The following AREG variants were observed in gnomAD, a reference collection of about 807,000 sequenced individuals.
The protein encoded by AREG is amphiregulin B.
In AREG, 16 loss-of-function variants were observed where a neutral mutation model predicts 28.0. That is an observed-to-expected ratio of 0.57 (90% confidence interval 0.39 to 0.87). The LOEUF is 0.87. Among genes scored for constraint, AREG ranks in the 40% least tolerant of loss-of-function variants. The pLI, the probability that AREG is intolerant of heterozygous loss-of-function variation, is 0.00. For missense variants in AREG, 287 were observed against 309.1 expected (o/e 0.93, Z 0.53); for synonymous variants, 113 against 113.5 (o/e 1.00, Z 0.02).
chr4:74,448,809 A>AG, intron 2 of AREG: 1 of 497,202 alleles, frequency 2.0e-6, no homozygotes, highest in Non-Finnish European at 3.5e-6. Flanking sequence ...TCCACCTGCA[A>AG]GTAGTACTCA....
At position 74,445,138 on chromosome 4, in the gene AREG, A is replaced by T. The variant is rs992665049; in HGVS notation, c.-208A>T. On this transcript the variant is annotated 5_prime_UTR_variant, in exon 1 of 6. Transcript: ENST00000395748. Reference sequence around the variant, plus strand: ...GCGGCAGGTGCGCGCCGCCCTACAGACGTTCGCACACCTGGGTGCCAGCGC... The same window carrying T: ...GCGGCAGGTGCGCGCCGCCCTACAGTCGTTCGCACACCTGGGTGCCAGCGC... The T allele has an allele frequency of 5.2e-3, 5,824 of 1,111,838 alleles. 21 individuals are homozygous for T. Among genetic ancestry groups the T allele is most frequent in the Non-Finnish European group, 6.6e-3 (5,309 of 805,500 alleles). The allele number at this position is 1,111,838 out of a possible 1,614,324, so 68.9% of individuals were successfully genotyped here.
At chr4:74,447,369 T>C (rs1053717716) in intron 2 of AREG, among the ~76,000 whole-genome samples, 275 of 152,256 alleles carry the variant, frequency 1.8e-3, no homozygotes, top group African/African-American at 5.9e-3. Context: ...GAGAAGCTGA[T>C]GGAATAATAA....
chr4:74,447,429 T>C (rs1344550562), intron 2 of AREG, among the ~76,000 whole-genome samples: 2 of 152,198 alleles, frequency 1.3e-5, no homozygotes, highest in Non-Finnish European at 2.9e-5. Flanking sequence ...ACTTAGATTT[T>C]GTATTGCTAA....
chr4:74,452,500 A>G (rs1719395660), intron 4 of AREG, 44 bp from the exon 5 acceptor site: 2 of 1,611,260 alleles, frequency 1.2e-6, no homozygotes, highest in South Asian at 1.1e-5. Flanking sequence ...AAACATATAG[A>G]TGAATAGAAC....
chr4:74,447,111 A>T (rs981641751), intron 2 of AREG, among the ~76,000 whole-genome samples: 3 of 152,214 alleles, frequency 2.0e-5, no homozygotes, highest in African/African-American at 7.2e-5. Flanking sequence ...GATGAGCTAG[A>T]ATTAGAGCTC....
At chr4:74,449,685 G>A (rs1578844640) in intron 3 of AREG, among the ~76,000 whole-genome samples, 2 of 152,166 alleles carry the variant, frequency 1.3e-5, no homozygotes, top group African/African-American at 4.8e-5. Context: ...AGCTCAGGAG[G>A]TTGAGACTGC....
intron 3 of AREG, among the ~76,000 whole-genome samples, chr4:74,449,966 A>G (rs1438340044): frequency 2.7e-5 from 4 of 149,494 alleles, no homozygotes; most frequent in Non-Finnish European, 5.9e-5. Flanking sequence ...GTGTGTGTGT[A>G]TGCATTTTTT....
intron 1 of AREG, among the ~76,000 whole-genome samples, chr4:74,446,050 A>T (rs571561524): frequency 1.1e-5 from 1 of 88,104 alleles, no homozygotes; most frequent in Non-Finnish European, 2.2e-5. Flanking sequence ...ATCTTTTAAA[A>T]ATATGAACAC....
intron 2 of AREG, among the ~76,000 whole-genome samples, chr4:74,447,923 A>C (rs1719319026): frequency 6.6e-6 from 1 of 152,254 alleles, no homozygotes; most frequent in South Asian, 2.1e-4. Flanking sequence ...AGGTGTCTAG[A>C]AACTGTTCTC....
intron 5 of AREG, among the ~76,000 whole-genome samples, chr4:74,453,437 A>G (rs889805609): frequency 1.3e-5 from 2 of 152,192 alleles, no homozygotes; most frequent in Non-Finnish European, 2.9e-5. Flanking sequence ...GTGAAGAGGA[A>G]TATTTCGTTG....
In AREG at chr4:74,454,824, A is replaced by T. The variant is rs964059244; in HGVS notation, c.*84A>T. 1.4e-6 allele frequency: 1 copy of T among 700,252 alleles called. No individual in the cohort carries two copies. The highest frequency in any genetic ancestry group is 1.7e-5 in the African/African-American group (1 of 57,222). The allele number at this position is 700,252 out of a possible 1,614,324, so 43.4% of individuals were successfully genotyped here. A position where few individuals can be genotyped will look rare whatever the true frequency, so the allele number is the denominator to read the frequency against. Reference sequence around the variant, plus strand: ...GATGAGTCGGTCCTCTTTCCAGTGGATCATAAGACAATGGACCCTTTTTGT... The same window carrying T: ...GATGAGTCGGTCCTCTTTCCAGTGGTTCATAAGACAATGGACCCTTTTTGT... On this transcript the variant is annotated 3_prime_UTR_variant, in exon 6 of 6. Coordinates refer to ENST00000395748, the MANE Select transcript of AREG (RefSeq NM_001657.4).
chr4:74,451,458 T>C (rs1719381032), intron 4 of AREG, among the ~76,000 whole-genome samples: 1 of 152,228 alleles, frequency 6.6e-6, no homozygotes, highest in African/African-American at 2.4e-5. Context: ...CTACCACGAC[T>C]ACCATTCAGG....
Position 74,446,568 on chromosome 4 carries a change from C to T in AREG, c.96C>T (p.Thr32=), listed in dbSNP as rs758961810. The T allele has an allele frequency of 6.8e-6, 11 of 1,613,828 alleles. No homozygotes were observed. The African/African-American group carries it at 1.5e-4, about 22-fold the overall frequency. Residue 32 remains threonine, a synonymous_variant, in exon 2 of 6, where the codon ACC becomes ACT. Coordinates refer to ENST00000395748, the MANE Select transcript of AREG (RefSeq NM_001657.4). ...HYAAGLDLND[T]YSGKREPFSG... ...CTGCTGGATTGGACCTCAATGACACCTACTCTGGGAAGCGTGAACCATTTT... is the reference window on the plus strand; with the variant it reads ...CTGCTGGATTGGACCTCAATGACACTTACTCTGGGAAGCGTGAACCATTTT...
intron 4 of AREG, among the ~76,000 whole-genome samples, chr4:74,451,414 ATAACTT>A (rs1719379825): frequency 6.6e-6 from 1 of 152,242 alleles, no homozygotes; most frequent in Non-Finnish European, 1.5e-5. Context: ...GTCTTGGTAA[ATAACTT>A]TAACAGCTAT....
intron 1 of AREG, 63 bp downstream of exon 1, chr4:74,445,469 T>C (rs1719266509): frequency 2.6e-6 from 4 of 1,566,120 alleles, no homozygotes; most frequent in Non-Finnish European, 3.5e-6. Context: ...GCCTCTTGAG[T>C]TTGGCTCTTG....
intron 5 of AREG, among the ~76,000 whole-genome samples, chr4:74,453,054 G>A (rs1719405596): frequency 1.3e-5 from 2 of 152,194 alleles, no homozygotes; most frequent in East Asian, 1.9e-4. Flanking sequence ...AGATGTGTTC[G>A]GGGTGGCCTT....
Position 74,449,069 on chromosome 4 carries a change from C to G in AREG, c.333C>G (p.Pro111=), listed in dbSNP as rs894068068. Reference sequence around the variant, plus strand: ...TAGTTGAACAGGTAGTTAAGCCCCCCCAAAACAAGACGGAAAGTGAAAATA... The same window carrying G: ...TAGTTGAACAGGTAGTTAAGCCCCCGCAAAACAAGACGGAAAGTGAAAATA... ...SVRVEQVVKP[P]QNKTESENTS... The change falls in exon 3 of 6, where the codon CCC becomes CCG. Residue 111 remains proline (P), a synonymous_variant. Transcript: ENST00000395748. 20 of 1,609,378 alleles carry G rather than the reference C, an allele frequency of 1.2e-5. No homozygotes were observed. The highest frequency in any genetic ancestry group is 8.8e-5 in the South Asian group (8 of 90,548).
chr4:74,450,572 G>A (rs1463340206), intron 4 of AREG, 40 bp downstream of exon 4: 1 of 1,609,468 alleles, frequency 6.2e-7, no homozygotes, highest in Non-Finnish European at 8.5e-7. Flanking sequence ...ATAAAATAAT[G>A]GGAGGTTAAT....
At chr4:74,449,477 G>A (rs1482339248) in intron 3 of AREG, among the ~76,000 whole-genome samples, 1 of 152,212 alleles carries the variant, frequency 6.6e-6, no homozygotes, top group Non-Finnish European at 1.5e-5. Context: ...TGGGTGCAGT[G>A]GTTCACACCT....
Sources: gnomAD v4.1 joint callset for allele counts (sites outside exome capture counted in the v4.1 genomes callset) on GRCh38, gnomAD v4.1.1 for gene constraint, MANE v1.5 for transcripts, NCBI Gene and HGNC (gene_info 2026-07-23, HGNC 2026-07-21) for gene names.